CIT: variants seen among roughly 807,000 people sequenced by gnomAD.
The protein encoded by CIT is citron Rho-interacting kinase.
In CIT, 79 loss-of-function variants were observed where a neutral mutation model predicts 272.7. That is an observed-to-expected ratio of 0.29 (90% CI 0.24 to 0.35). CIT has a LOEUF of 0.35. Ranked by LOEUF, CIT falls within the 10% of genes least tolerant of loss-of-function variation. The pLI, the probability that CIT is intolerant of heterozygous loss-of-function variation, is 1.00. For synonymous variants in CIT, 948 were observed against 995.6 expected (o/e 0.95, Z 0.90); for missense variants, 1,909 against 2,618.3 (o/e 0.73, Z 5.91).
chr12:119,751,936 A>G, intron 23 of CIT, 114 bp downstream of exon 23: 1 of 931,264 alleles, frequency 1.1e-6, no homozygotes, highest in East Asian at 2.7e-5. Context: ...ATCTTTGTGG[A>G]TCATGTTTTC....
rs746443265 is a variant in CIT, at chr12:119,767,176, C to T, written c.2215G>A (p.Glu739Lys). 9 of 1,609,236 alleles carry T rather than the reference C, an allele frequency of 5.6e-6. No individual in the cohort carries two copies. Among genetic ancestry groups the T allele is most frequent in the Non-Finnish European group, 7.6e-6 (9 of 1,177,576 alleles). Reference protein sequence around the residue: ...QQMADKILELEEKHREAQVSA... With the variant: ...QQMADKILELKEKHREAQVSA... ...ACTTGGGCCTCCCGATGTTTCTCTT[C>T]GAGCTCCTAGACACAAAAGAAAAGA... Residue 739 changes from glutamate (E) to lysine (K), a missense_variant, in exon 19 of 48, where the codon GAA becomes AAA. By Grantham distance (56) the Glu-to-Lys change is moderately conservative. Coordinates refer to ENST00000392521, the MANE Select transcript of CIT (RefSeq NM_001206999.2).
Position 119,804,113 on chromosome 12 carries a change from C to A in CIT, c.1112-724G>T. 1.0e-6 allele frequency: 1 copy of A among 957,456 alleles called. No homozygotes were observed. The highest frequency in any genetic ancestry group is 1.8e-5 in the African/African-American group (1 of 56,786). 59.3% of individuals were successfully genotyped at this position (957,456 alleles called of 1,614,324 possible). A position where few individuals can be genotyped will look rare whatever the true frequency, so the allele number is the denominator to read the frequency against. On this transcript the variant is annotated intron_variant, in intron 9 of 47. Transcript: ENST00000392521. This position sits in a 1 kb window ranked among gnomAD's most constrained non-coding sequence, Gnocchi z 5.3. ...AGTTCCTACCGGTGATCTACAGCAC[C>A]CCTGCGCGCTGACGGTGGGAATGCA...
chr12:119,726,213 ATTTTAAT>A (rs905708213), intron 28 of CIT, among the ~76,000 whole-genome samples: 10 of 151,658 alleles, frequency 6.6e-5, no homozygotes, highest in African/African-American at 1.9e-4. Flanking sequence ...CATATTTTTC[ATTTTAAT>A]TTTTAATTTT....
intron 15 of CIT, among the ~76,000 whole-genome samples, chr12:119,776,125 G>A (rs977116972): frequency 4.6e-5 from 7 of 152,164 alleles, no homozygotes; most frequent in African/African-American, 1.7e-4. Flanking sequence ...TTTACTAAGT[G>A]TCTGGGTTTG....
At chr12:119,759,354 C>T (rs1052435382) in intron 20 of CIT, among the ~76,000 whole-genome samples, 77 of 152,176 alleles carry the variant, frequency 5.1e-4, no homozygotes, top group Admixed American at 3.3e-4. Flanking sequence ...TAATGAGAAT[C>T]GAATGCCGCC....
chr12:119,839,649 T>C (rs1367126928), intron 5 of CIT, among the ~76,000 whole-genome samples: 1 of 152,170 alleles, frequency 6.6e-6, no homozygotes, highest in Non-Finnish European at 1.5e-5. Flanking sequence ...ACCCAGCCTG[T>C]TTCATCCATC....
At chr12:119,708,058 CCT>C in intron 40 of CIT, 119 bp downstream of exon 40, 1 of 1,098,752 alleles carries the variant, frequency 9.1e-7, no homozygotes, top group South Asian at 2.2e-5. Flanking sequence ...CAAGAGAGCC[CCT>C]CTCTGTTTGT....
intron 20 of CIT, among the ~76,000 whole-genome samples, chr12:119,759,155 C>T (rs1404924651): frequency 6.6e-6 from 1 of 152,206 alleles, no homozygotes; most frequent in Non-Finnish European, 1.5e-5. Context: ...ACCCCAGGGC[C>T]ACAGAGCAGT....
rs1337159138 is a variant in CIT at position 119,741,004 on chromosome 12, G to GA, written c.2958+1406dup. Reference sequence around the variant, plus strand: ...GTAATTCTTGGGGATATGTTCACCAGACGTAAGTGCTCACAGCCACCAAAG... The same window carrying GA: ...GTAATTCTTGGGGATATGTTCACCAGAACGTAAGTGCTCACAGCCACCAAAG... On this transcript the variant is annotated intron_variant, in intron 24 of 47. Coordinates refer to ENST00000392521, the MANE Select transcript of CIT (RefSeq NM_001206999.2). Among the ~76,000 whole-genome samples the GA allele has an allele frequency of 2.6e-5, 4 of 152,172 alleles. No individual in the cohort carries two copies. In the East Asian group the frequency reaches 7.7e-4, roughly 29 times the overall value.
chr12:119,745,863 A>G (rs1433888574), intron 23 of CIT, among the ~76,000 whole-genome samples: 1 of 152,248 alleles, frequency 6.6e-6, no homozygotes, highest in African/African-American at 2.4e-5. Flanking sequence ...TCACAGACAG[A>G]TTTATAAATA....
Position 119,697,516 on chromosome 12 carries a change from C to T in CIT, c.5882+143G>A, listed in dbSNP as rs1593377017. The T allele has an allele frequency of 2.3e-6, 2 of 880,282 alleles. No individual in the cohort carries two copies. Among genetic ancestry groups the T allele is most frequent in the Non-Finnish European group, 3.5e-6 (2 of 569,230 alleles). 54.5% of individuals were successfully genotyped at this position (880,282 alleles called of 1,614,324 possible). A position where few individuals can be genotyped will look rare whatever the true frequency, so the allele number is the denominator to read the frequency against. On this transcript the variant is annotated intron_variant, in intron 46 of 47. Coordinates refer to ENST00000392521, the MANE Select transcript of CIT (RefSeq NM_001206999.2). This position sits in a 1 kb window ranked among gnomAD's most constrained non-coding sequence, Gnocchi z 4.9. ...CATAATGGTCTGTGTTATTTCAGTG[C>T]CGCAGATCGCAAACAAATGAATGGT...
intron 9 of CIT, among the ~76,000 whole-genome samples, chr12:119,806,161 A>AG (rs58151284): frequency 7.1e-6 from 1 of 141,406 alleles, no homozygotes; most frequent in Non-Finnish European, 1.6e-5. Context: ...AAAAAAAAAA[A>AG]GGAAAGAGAA....
Position 119,776,660 on chromosome 12 carries a change from G to A in CIT, c.1836+12C>T, listed in dbSNP as rs770851662. 6 of 1,611,782 alleles carry A rather than the reference G, an allele frequency of 3.7e-6. No individual in the cohort carries two copies. The African/African-American group carries it at 5.3e-5, about 14-fold the overall frequency. ...TACCCAAAAAGCACCCTCCTGGAGG[G>A]TGGCTGACTACCTTCAACAGTTTAT... On this transcript the variant is annotated intron_variant, in intron 14 of 47. Coordinates refer to ENST00000392521, the MANE Select transcript of CIT (RefSeq NM_001206999.2).
At position 119,850,245 on chromosome 12, in the gene CIT, A is replaced by G. The variant is rs764856792; in HGVS notation, c.445T>C (p.Leu149=). ...ATCCACGGGCTTGTGCTTCGAGATAATATGTTCCGCTCTTCCTCAAAAAAT... is the reference window on the plus strand; with the variant it reads ...ATCCACGGGCTTGTGCTTCGAGATAGTATGTTCCGCTCTTCCTCAAAAAAT... ...VSFFEEERNI[L]SRSTSPWIPQ... The change falls in exon 5 of 48, where the codon TTA becomes CTA. Residue 149 remains leucine (L), a synonymous_variant. Transcript: ENST00000392521. 12 of 1,613,358 alleles carry G rather than the reference A, an allele frequency of 7.4e-6. No individual in the cohort carries two copies. The highest frequency in any genetic ancestry group is 1.1e-5 in the South Asian group (1 of 91,082).
chr12:119,794,668 G>T (rs1022091385), intron 10 of CIT, among the ~76,000 whole-genome samples: 1 of 152,186 alleles, frequency 6.6e-6, no homozygotes, highest in Non-Finnish European at 1.5e-5. Context: ...AAATTAGATG[G>T]AGATATTAGG....
chr12:119,810,352 T>A (rs1966824237), intron 9 of CIT, among the ~76,000 whole-genome samples: 1 of 152,084 alleles, frequency 6.6e-6, no homozygotes. Flanking sequence ...ACAGTTATGG[T>A]GTGAGAGTGG....
intron 2 of CIT, among the ~76,000 whole-genome samples, 168 bp downstream of exon 2, chr12:119,875,905 T>C (rs1170572650): frequency 6.6e-6 from 1 of 152,102 alleles, no homozygotes; most frequent in East Asian, 1.9e-4. Context: ...GGAGAATCGC[T>C]TGAACCCAGG....
chr12:119,838,454 A>G (rs1406705122), intron 5 of CIT, among the ~76,000 whole-genome samples: 2 of 152,194 alleles, frequency 1.3e-5, no homozygotes, highest in Admixed American at 6.6e-5. Flanking sequence ...GGGAGCTTAA[A>G]GGATTCCAGG....
At chr12:119,730,132 C>T (rs1475706597) in intron 27 of CIT, among the ~76,000 whole-genome samples, 1 of 152,138 alleles carries the variant, frequency 6.6e-6, no homozygotes, top group Non-Finnish European at 1.5e-5. Flanking sequence ...GCATTAGTCA[C>T]TGCCACCAAG....
Sources: gnomAD v4.1 joint callset for allele counts (sites outside exome capture counted in the v4.1 genomes callset) on GRCh38, gnomAD v4.1.1 for gene constraint, Gnocchi (gnomAD v3.1) non-coding constraint, MANE v1.5 for transcripts, NCBI Gene and HGNC (gene_info 2026-07-23, HGNC 2026-07-21) for gene names.